Variants in INPP4A observed in about 807,000 individuals in gnomAD.
The protein encoded by INPP4A is inositol polyphosphate-4-phosphatase, type I, 107kD.
INPP4A carries 33 observed loss-of-function variants against 119.8 expected under a neutral mutation model. The ratio of observed to expected loss-of-function variants is 0.28; its 90% CI spans 0.21 to 0.37. INPP4A has a LOEUF of 0.37. Ranked by LOEUF, INPP4A falls within the 10% of genes least tolerant of loss-of-function variation. The pLI is 1.00. For synonymous variants in INPP4A, 496 were observed against 500.7 expected (o/e 0.99, Z 0.12); for missense variants, 956 against 1,289.9 (o/e 0.74, Z 3.97).
chr2:98,501,200 C>T (rs966979594), intron 1 of INPP4A, among the ~76,000 whole-genome samples: 4 of 152,104 alleles, frequency 2.6e-5, no homozygotes, highest in African/African-American at 9.7e-5. Flanking sequence ...GCCTGTAGTC[C>T]CAGCTGCTCG....
At position 98,570,474 on chromosome 2, in the gene INPP4A, CTG is replaced by C. The variant is rs1173067904; in HGVS notation, c.2518+1809_2518+1810del. On this transcript the variant is annotated intron_variant, in intron 22 of 24. Coordinates refer to ENST00000409851, the MANE Select transcript of INPP4A (RefSeq NM_001134225.2). The surrounding 1 kb of genome is among the most constrained non-coding windows in gnomAD (Gnocchi z 4.3). ...TGGTGATCTCTCCCATACAGTCTCA[CTG>C]TGGTGAGGGCTGGGCCAGGGATCAA... 6.6e-6 allele frequency among the ~76,000 whole-genome samples: 1 copy of C among 152,104 alleles called. No individual in the cohort carries two copies. Among genetic ancestry groups the C allele is most frequent in the African/African-American group, 2.4e-5 (1 of 41,414 alleles).
At chr2:98,479,532 T>C (rs1237652651) in intron 1 of INPP4A, among the ~76,000 whole-genome samples, 1 of 152,220 alleles carries the variant, frequency 6.6e-6, no homozygotes, top group Non-Finnish European at 1.5e-5. Flanking sequence ...GAACTGACAG[T>C]GTGGGCTGCA....
At chr2:98,551,020 G>A (rs1032458383) in intron 13 of INPP4A, among the ~76,000 whole-genome samples, 13 of 151,822 alleles carry the variant, frequency 8.6e-5, no homozygotes, top group African/African-American at 2.9e-4. Context: ...CACTGGCACC[G>A]TCATAACTCA....
At chr2:98,543,027 C>T (rs575958058) in intron 10 of INPP4A, among the ~76,000 whole-genome samples, 1 of 152,018 alleles carries the variant, frequency 6.6e-6, no homozygotes, top group Non-Finnish European at 1.5e-5. Context: ...TCACGCCATT[C>T]TCCTGCCTCA....
At chr2:98,511,217 G>A (rs1004339000) in intron 1 of INPP4A, among the ~76,000 whole-genome samples, 2 of 152,054 alleles carry the variant, frequency 1.3e-5, no homozygotes, top group Non-Finnish European at 2.9e-5. Flanking sequence ...GTGCCACCAC[G>A]CCCAGCTAAT....
At position 98,529,609 on chromosome 2, in the gene INPP4A, G is replaced by A. The variant is rs191434034; in HGVS notation, c.152-3768G>A. Among the ~76,000 whole-genome samples the A allele has an allele frequency of 2.1e-4, 32 of 152,094 alleles. No individual in the cohort carries two copies. The East Asian group carries it at 4.8e-3, about 23-fold the overall frequency. On this transcript the variant is annotated intron_variant, in intron 4 of 24. Transcript: ENST00000409851. ...AAATTAGCTGGGCGTGGTGGTGGGC[G>A]CCTGTAGTCCCAGCTACTCGGGAGG...
chr2:98,454,899 G>A (rs1381028847), intron 1 of INPP4A, among the ~76,000 whole-genome samples: 1 of 152,148 alleles, frequency 6.6e-6, no homozygotes, highest in Non-Finnish European at 1.5e-5. Flanking sequence ...GAAATGTTGA[G>A]TATTTTCACA....
At chr2:98,585,661 T>C (rs1699871222) in intron 24 of INPP4A, among the ~76,000 whole-genome samples, 1 of 152,350 alleles carries the variant, frequency 6.6e-6, no homozygotes, top group South Asian at 2.1e-4. Context: ...AGTGTCGGCA[T>C]GTGGATCAGC....
intron 1 of INPP4A, among the ~76,000 whole-genome samples, chr2:98,454,679 C>T (rs1043520919): frequency 6.7e-6 from 1 of 148,674 alleles, no homozygotes; most frequent in Non-Finnish European, 1.5e-5. Flanking sequence ...GCTCAGGGTA[C>T]CTTCCAGGGG....
Position 98,566,116 on chromosome 2 carries a change from G to A in INPP4A, c.2367G>A (p.Val789=), listed in dbSNP as rs759958824. ...REIQSGMLLR[V]QPVLFNVGIN... ...TCCAGAGTGGCATGCTGCTGCGAGTGCAGCCCGTCCTCTTCAACGTGGGCA... is the reference window on the plus strand; with the variant it reads ...TCCAGAGTGGCATGCTGCTGCGAGTACAGCCCGTCCTCTTCAACGTGGGCA... The change falls in exon 21 of 25, where the codon GTG becomes GTA. Residue 789 remains valine (V), a synonymous_variant. Coordinates refer to ENST00000409851, the MANE Select transcript of INPP4A (RefSeq NM_001134225.2). This position sits in a 1 kb window ranked among gnomAD's most constrained non-coding sequence, Gnocchi z 4.2. The A allele has an allele frequency of 5.6e-6, 9 of 1,599,238 alleles. No homozygotes were observed. The highest frequency in any genetic ancestry group is 1.7e-4 in the Middle Eastern group (1 of 6,042).
intron 1 of INPP4A, among the ~76,000 whole-genome samples, chr2:98,491,880 CAT>C (rs1313064318): frequency 6.7e-6 from 1 of 149,206 alleles, no homozygotes; most frequent in Non-Finnish European, 1.5e-5. Flanking sequence ...TTCAAAATAT[CAT>C]ATGTCACAAG....
At chr2:98,550,066 C>A (rs1233549460) in intron 13 of INPP4A, among the ~76,000 whole-genome samples, 3 of 151,998 alleles carry the variant, frequency 2.0e-5, no homozygotes, top group Non-Finnish European at 2.9e-5. Context: ...GGAGCTGCCC[C>A]CAAGGCCTGC....
intron 6 of INPP4A, 127 bp from the exon 7 acceptor site, chr2:98,536,002 T>A: frequency 1.4e-6 from 1 of 722,830 alleles, no homozygotes; most frequent in Non-Finnish European, 2.4e-6. Flanking sequence ...AGCTTTCCCA[T>A]TGGGCTTCTG....
Position 98,519,998 on chromosome 2 carries a change from TC to T in INPP4A, c.-50del. ...CTCGGTGCCAGCACTTCCCGGGTAATCAGGCGTGGTCTGACCGAGGATCAAG... is the reference window on the plus strand; with the variant it reads ...CTCGGTGCCAGCACTTCCCGGGTAATAGGCGTGGTCTGACCGAGGATCAAG... On this transcript the variant is annotated 5_prime_UTR_variant, in exon 3 of 25. An upstream open reading frame in the 5' UTR gains an earlier in-frame stop. Coordinates refer to ENST00000409851, the MANE Select transcript of INPP4A (RefSeq NM_001134225.2). 1 of 1,455,028 alleles carries T rather than the reference TC, an allele frequency of 6.9e-7. No individual in the cohort carries two copies. The highest frequency in any genetic ancestry group is 2.5e-5 in the East Asian group (1 of 40,542). 90.1% of individuals were successfully genotyped at this position (1,455,028 alleles called of 1,614,324 possible).
At chr2:98,478,651 G>T (rs946171601) in intron 1 of INPP4A, among the ~76,000 whole-genome samples, 9 of 152,138 alleles carry the variant, frequency 5.9e-5, no homozygotes, top group Non-Finnish European at 7.4e-5. Flanking sequence ...TGTGAAGAGG[G>T]TCCCTGCCCC....
chr2:98,511,835 T>C (rs978671689), intron 1 of INPP4A, among the ~76,000 whole-genome samples: 3 of 152,188 alleles, frequency 2.0e-5, no homozygotes, highest in Admixed American at 1.3e-4. Context: ...CCAAGCCATA[T>C]TGCTTCAAGG....
chr2:98,568,727 G>T, intron 22 of INPP4A, 59 bp downstream of exon 22: 2 of 943,058 alleles, frequency 2.1e-6, no homozygotes, highest in Non-Finnish European at 3.4e-6. Flanking sequence ...CAGTTTAGAT[G>T]TCTGAGCTCT....
intron 24 of INPP4A, chr2:98,581,775 A>AT: frequency 1.2e-6 from 2 of 1,603,046 alleles, no homozygotes; most frequent in Non-Finnish European, 1.7e-6. Flanking sequence ...ATGAAAAATT[A>AT]ATAAGTCACA....
Position 98,455,142 on chromosome 2 carries a change from G to A in INPP4A, c.-166+10057G>A, listed in dbSNP as rs541572461. On this transcript the variant is annotated intron_variant, in intron 1 of 24. Coordinates refer to ENST00000409851, the MANE Select transcript of INPP4A (RefSeq NM_001134225.2). ...TCTCTTGAGCCCAGGAGTTCAGACC[G>A]GCCTGAGCAACAAAGCAAGACCTTG... Among the ~76,000 whole-genome samples the A allele has an allele frequency of 2.0e-4, 30 of 152,100 alleles. No individual in the cohort carries two copies. The South Asian group carries it at 5.4e-3, about 27-fold the overall frequency.
Sources: allele counts gnomAD v4.1 joint callset (sites outside exome capture counted in the v4.1 genomes callset), GRCh38; gene constraint gnomAD v4.1.1; non-coding constraint Gnocchi (gnomAD v3.1); transcripts MANE v1.5; gene names NCBI Gene and HGNC (gene_info 2026-07-23, HGNC 2026-07-21).